Variants in RPS9 observed in about 807,000 individuals in gnomAD.
RPS9 encodes ribosomal protein S9, also known as small ribosomal subunit protein uS4.
RPS9 carries 1 observed loss-of-function variant against 16.9 expected under a neutral mutation model. The observed-to-expected ratio is 0.06, with a 90% confidence interval of 0.02 to 0.28. The LOEUF is 0.28. Ranked by LOEUF, RPS9 falls within the 10% of genes least tolerant of loss-of-function variation. The probability of loss-of-function intolerance (pLI) is 1.00; values close to 1 mark genes in which losing one functional copy is unlikely to be tolerated. For synonymous variants in RPS9, 106 were observed against 110.9 expected (o/e 0.96, Z 0.28); for missense variants, 137 against 273.2 (o/e 0.50, Z 3.51).
At position 54,201,079 on chromosome 19, in the gene RPS9, G is replaced by C; in HGVS notation, c.-25-81G>C. On this transcript the variant is annotated intron_variant, in intron 1 of 4. Coordinates refer to ENST00000302907, the MANE Select transcript of RPS9 (RefSeq NM_001013.4). ...GTTATTCTCGCGAGATCGGATCTGG[G>C]CTCCGCGAGGTTTTGGCGTAGTTGT... 1.9e-6 allele frequency: 3 copies of C among 1,562,078 alleles called. No individual in the cohort carries two copies. The South Asian group carries it at 3.5e-5, about 18-fold the overall frequency.
chr19:54,203,201 G>A (rs2077121134), intron 3 of RPS9: 1 of 935,572 alleles, frequency 1.1e-6, no homozygotes, highest in Non-Finnish European at 1.3e-6. Context: ...TGAGAAAGCG[G>A]TGCAGGTGTC....
intron 3 of RPS9, among the ~76,000 whole-genome samples, chr19:54,205,645 A>G (rs2077215962): frequency 6.6e-6 from 1 of 152,076 alleles, no homozygotes. Context: ...TAGCAGCTGC[A>G]TTTGGTCTTT....
chr19:54,203,740 G>C (rs1317634591), intron 3 of RPS9, among the ~76,000 whole-genome samples: 1 of 151,872 alleles, frequency 6.6e-6, no homozygotes, highest in Admixed American at 6.6e-5. Context: ...GCACTGCACT[G>C]GGTGACAGCG....
In RPS9 at chr19:54,201,639, G is replaced by A. The variant is rs369544173; in HGVS notation, c.220+30G>A. 4.7e-5 allele frequency: 76 copies of A among 1,613,552 alleles called. No homozygotes were observed. The African/African-American group carries it at 7.6e-4, about 16-fold the overall frequency. ...GTATGGGAGTCCACAGCAGAGGGAT[G>A]GGGTGCAGGGCTTGTGAGGTTCATT... On this transcript the variant is annotated intron_variant, in intron 3 of 4. Coordinates refer to ENST00000302907, the MANE Select transcript of RPS9 (RefSeq NM_001013.4).
At chr19:54,201,785 C>T in intron 3 of RPS9, 176 bp downstream of exon 3, 3 of 1,373,006 alleles carry the variant, frequency 2.2e-6, no homozygotes, top group Non-Finnish European at 2.9e-6. Flanking sequence ...AGTCTTTGCC[C>T]TGTTTCTTAG....
chr19:54,206,746 A>G, intron 4 of RPS9: 1 of 1,459,072 alleles, frequency 6.9e-7, no homozygotes, highest in Non-Finnish European at 9.0e-7. Context: ...TGGTGTCCCC[A>G]GTGGAGGGAG....
intron 3 of RPS9, 118 bp from the exon 4 acceptor site, chr19:54,206,158 C>CTG: frequency 1.0e-6 from 1 of 962,562 alleles, no homozygotes; most frequent in Non-Finnish European, 1.5e-6. Context: ...GGTGATGGCG[C>CTG]TGTACTACTT....
At position 54,201,481 on chromosome 19, in the gene RPS9, C is replaced by T. The variant is rs747680488; in HGVS notation, c.98-6C>T. On this transcript the variant is annotated splice_region_variant and splice_polypyrimidine_tract_variant and intron_variant, in intron 2 of 4. Coordinates refer to ENST00000302907, the MANE Select transcript of RPS9 (RefSeq NM_001013.4). ...CTACACTTGTCCACCCCCTTCTCCC[C>T]ACCAGGCGAGTATGGGCTCCGGAAC... The T allele has an allele frequency of 3.7e-6, 6 of 1,614,002 alleles. No individual in the cohort carries two copies. In the Admixed American group the frequency reaches 6.7e-5, roughly 18 times the overall value.
chr19:54,207,543 G>A lies in RPS9; in HGVS notation c.553G>A (p.Ala185Thr). Residue 185 changes from alanine to threonine, a missense_variant, in exon 5 of 5, where the codon GCT (alanine) becomes ACT (threonine). Physicochemically the swap from Ala to Thr is moderately conservative, Grantham distance 58 (BLOSUM62 0). This residue lies in a region of RPS9 where 19 missense variants were observed against 18.2 expected (regional missense o/e 1.04). Coordinates refer to ENST00000302907, the MANE Select transcript of RPS9 (RefSeq NM_001013.4). ...RKNAKKGQGG[A>T]GAGDDEEED Reference sequence around the variant, plus strand: ...GAATGCCAAGAAGGGCCAGGGTGGGGCTGGGGCTGGAGACGACGAGGAGGA... The same window carrying A: ...GAATGCCAAGAAGGGCCAGGGTGGGACTGGGGCTGGAGACGACGAGGAGGA... 6.2e-7 allele frequency: 1 copy of A among 1,612,186 alleles called. No individual in the cohort carries two copies.
intron 3 of RPS9, among the ~76,000 whole-genome samples, chr19:54,205,486 A>C (rs1249321346): frequency 6.6e-6 from 1 of 151,950 alleles, no homozygotes; most frequent in Non-Finnish European, 1.5e-5. Flanking sequence ...TAGTGTTAGA[A>C]ATTACTTTTC....
At chr19:54,206,184 G>T in intron 3 of RPS9, 92 bp from the exon 4 acceptor site, 1 of 1,306,802 alleles carries the variant, frequency 7.7e-7, no homozygotes, top group South Asian at 1.3e-5. Flanking sequence ...TCACCGCCGC[G>T]GCATGGAGCT....
At chr19:54,207,129 C>T in intron 4 of RPS9, 1 of 500,736 alleles carries the variant, frequency 2.0e-6, no homozygotes, top group Non-Finnish European at 3.5e-6. Context: ...ACATGGCCAT[C>T]TCATTTGCTT....
intron 3 of RPS9, chr19:54,201,892 A>C: frequency 2.1e-6 from 1 of 483,308 alleles, no homozygotes; most frequent in Admixed American, 3.6e-5. Flanking sequence ...CTATATCTTT[A>C]TATTCTGTTT....
intron 3 of RPS9, 152 bp from the exon 4 acceptor site, chr19:54,206,124 G>A: frequency 1.4e-6 from 1 of 705,056 alleles, no homozygotes; most frequent in Non-Finnish European, 2.3e-6. Context: ...CCCGTAGGGT[G>A]GTTTTGACAG....
rs895286152 is a variant in RPS9, at chr19:54,207,337, C to T, written c.408-61C>T. On this transcript the variant is annotated intron_variant, in intron 4 of 4. Transcript: ENST00000302907. ...GGTGGGTGGAGAGGAAAGAGTGGTG[C>T]GGTAGCTGGGGTTAGCGTCCGTTTC... 3.5e-4 allele frequency: 491 copies of T among 1,416,344 alleles called. 3 individuals are homozygous for T. Among genetic ancestry groups the T allele is most frequent in the South Asian group, 1.7e-4 (13 of 78,632 alleles). The allele number at this position is 1,416,344 out of a possible 1,614,324, so 87.7% of individuals were successfully genotyped here. A position where few individuals can be genotyped will look rare whatever the true frequency, so the allele number is the denominator to read the frequency against.
At chr19:54,206,687 T>C (rs2077253545) in intron 4 of RPS9, 2 of 1,527,602 alleles carry the variant, frequency 1.3e-6, no homozygotes, top group Admixed American at 2.0e-5. Flanking sequence ...CCGTACACCT[T>C]GTGAAGGCCT....
intron 3 of RPS9, chr19:54,201,933 G>T: frequency 3.0e-6 from 1 of 330,228 alleles, no homozygotes; most frequent in Non-Finnish European, 5.5e-6. Flanking sequence ...GATGAGAGTA[G>T]ACTATGAAGT....
chr19:54,207,124 G>C (rs537705030), intron 4 of RPS9: 1 of 495,300 alleles, frequency 2.0e-6, no homozygotes, highest in East Asian at 3.3e-5. Context: ...CTCTCACATG[G>C]CCATCTCATT....
intron 3 of RPS9, among the ~76,000 whole-genome samples, chr19:54,204,252 C>G (rs1030354235): frequency 6.6e-6 from 1 of 152,088 alleles, no homozygotes; most frequent in African/African-American, 2.4e-5. Context: ...GGCGTGGTGG[C>G]GCATGCCTTT....
Sources: gnomAD v4.1 joint callset for allele counts (sites outside exome capture counted in the v4.1 genomes callset) on GRCh38, gnomAD v4.1.1 for gene constraint, gnomAD v4.1.1 regional missense constraint, MANE v1.5 for transcripts, NCBI Gene and HGNC (gene_info 2026-07-23, HGNC 2026-07-21) for gene names.